MGAM: variants seen among roughly 807,000 people sequenced by gnomAD.
MGAM encodes alpha-1,4-glucosidase.
Under a neutral mutation model 358.8 loss-of-function variants are expected in MGAM, and 253 were observed. That is an observed-to-expected ratio of 0.71 (90% CI 0.64 to 0.78). MGAM has a LOEUF of 0.78. Ranked by LOEUF, MGAM falls within the 30% of genes least tolerant of loss-of-function variation. The probability of loss-of-function intolerance (pLI) is 0.00; values close to 1 mark genes in which losing one functional copy is unlikely to be tolerated. For synonymous variants in MGAM, 1,105 were observed against 1,227.1 expected (o/e 0.90, Z 2.08); for missense variants, 3,080 against 3,432.6 (o/e 0.90, Z 2.57).
At chr7:142,038,042 C>T (rs1808149623) in intron 18 of MGAM, among the ~76,000 whole-genome samples, 1 of 151,960 alleles carries the variant, frequency 6.6e-6, no homozygotes, top group South Asian at 2.1e-4. Flanking sequence ...TCTTGACCTC[C>T]CTCCCAGCCC....
intron 46 of MGAM, 87 bp downstream of exon 46, chr7:142,076,339 T>C: frequency 8.0e-7 from 1 of 1,255,122 alleles, no homozygotes; most frequent in Non-Finnish European, 1.2e-6. Context: ...GTGATTATAT[T>C]TGTAACTTTA....
At chr7:142,084,476 G>T (rs1320198901) in intron 53 of MGAM, 43 bp from the exon 54 acceptor site, 1 of 1,532,380 alleles carries the variant, frequency 6.5e-7, no homozygotes, top group African/African-American at 1.3e-5. Flanking sequence ...CTTCAATCTG[G>T]TGTCTCTGTT....
intron 42 of MGAM, among the ~76,000 whole-genome samples, chr7:142,068,369 T>A (rs1813033136): frequency 6.9e-6 from 1 of 144,050 alleles, no homozygotes; most frequent in Non-Finnish European, 1.6e-5. Flanking sequence ...TCTTTAAGAG[T>A]CAAAGGGGTA....
At chr7:142,092,829 A>G (rs4336523) in intron 59 of MGAM, among the ~76,000 whole-genome samples, 135,952 of 146,060 alleles carry the variant, frequency 0.93, 64,276 homozygotes, top group Non-Finnish European at 1. Context: ...TGTCTAGAAA[A>G]CACTTACGAG....
chr7:142,020,604 T>TA (rs57193106), intron 4 of MGAM, among the ~76,000 whole-genome samples: 10,486 of 106,502 alleles, frequency 0.098, 384 homozygotes, highest in East Asian at 0.18. Flanking sequence ...TATATATATA[T>TA]TTTTTTTTTT....
rs1807813166 is a variant in MGAM, at chr7:142,034,590, C to A, written c.1788-80C>A. Reference sequence around the variant, plus strand: ...AGAATGGGTTATTCACTTTTAATGTCTTTTGTATTGTTGCTGTATCCCCTT... The same window carrying A: ...AGAATGGGTTATTCACTTTTAATGTATTTTGTATTGTTGCTGTATCCCCTT... On this transcript the variant is annotated intron_variant, in intron 15 of 70. Transcript: ENST00000475668. The A allele has an allele frequency of 2.2e-6, 3 of 1,336,518 alleles. No individual in the cohort carries two copies. The Admixed American group carries it at 6.0e-5, about 27-fold the overall frequency. The allele number at this position is 1,336,518 out of a possible 1,614,324, so 82.8% of individuals were successfully genotyped here. A position where few individuals can be genotyped will look rare whatever the true frequency, so the allele number is the denominator to read the frequency against.
chr7:142,041,605 G>A (rs1054628229), intron 21 of MGAM, among the ~76,000 whole-genome samples: 2 of 151,346 alleles, frequency 1.3e-5, no homozygotes, highest in African/African-American at 4.9e-5. Flanking sequence ...ATCACAACCT[G>A]GTTTCACGTT....
intron 21 of MGAM, among the ~76,000 whole-genome samples, chr7:142,045,402 T>C (rs1043101942): frequency 2.3e-5 from 1 of 43,068 alleles, no homozygotes; most frequent in African/African-American, 5.7e-5. Flanking sequence ...CATGATATAT[T>C]ATATATATTA....
At position 142,022,390 on chromosome 7, in the gene MGAM, T is replaced by C; in HGVS notation, c.833T>C (p.Met278Thr). 2.5e-6 allele frequency: 4 copies of C among 1,613,758 alleles called. No homozygotes were observed. Among genetic ancestry groups the C allele is most frequent in the Non-Finnish European group, 3.4e-6 (4 of 1,179,736 alleles). ...EHVHQQYRHD[M>T]NWKTWPIFNR... ...GTGCACCAGCAGTATCGGCATGATA[T>C]GAATTGGAAGACCTGGCCCATATTT... The change falls in exon 7 of 71, where the codon ATG becomes ACG. Residue 278 changes from methionine to threonine, a missense_variant. Met to Thr is a moderately conservative substitution (Grantham distance 81). This residue lies in a region of MGAM where 1,816 missense variants were observed against 1,840.5 expected (regional missense o/e 0.99). Coordinates refer to ENST00000475668, the MANE Select transcript of MGAM (RefSeq NM_001365693.1).
At chr7:142,015,396 T>A (rs1554455741) in intron 3 of MGAM, among the ~76,000 whole-genome samples, 1 of 152,124 alleles carries the variant, frequency 6.6e-6, no homozygotes, top group Admixed American at 6.6e-5. Flanking sequence ...TATCAACAAT[T>A]GTGACTTATG....
rs1321679467 is a variant in MGAM at position 142,045,148 on chromosome 7, T to C, written c.2499-2637T>C. On this transcript the variant is annotated intron_variant, in intron 21 of 70. Coordinates refer to ENST00000475668, the MANE Select transcript of MGAM (RefSeq NM_001365693.1). ...TATATAATATGTATATTATATATCA[T>C]ATATGTGATATATAATATATATATT... Among the ~76,000 whole-genome samples, 202 of 29,310 alleles carry C rather than the reference T, an allele frequency of 6.9e-3. 9 individuals carry two copies. Among genetic ancestry groups the C allele is most frequent in the Admixed American group, 0.015 (24 of 1,610 alleles). The allele number at this position is 29,310 out of a possible 152,430, so 19.2% of individuals were successfully genotyped here. A position where few individuals can be genotyped will look rare whatever the true frequency, so the allele number is the denominator to read the frequency against.
At chr7:142,027,576 A>G in intron 9 of MGAM, 34 bp from the exon 10 acceptor site, 2 of 1,610,378 alleles carry the variant, frequency 1.2e-6, no homozygotes, top group Non-Finnish European at 1.7e-6. Context: ...AAAACAGAGT[A>G]TTTGCTAATT....
intron 49 of MGAM, among the ~76,000 whole-genome samples, chr7:142,080,372 A>G (rs1314925929): frequency 6.8e-6 from 1 of 146,620 alleles, no homozygotes; most frequent in Non-Finnish European, 1.5e-5. Flanking sequence ...ATCAGTTTAG[A>G]TACCACCTTC....
rs1360030383 is a variant in MGAM, at chr7:142,034,196, G to GTA, written c.1670-65_1670-64insAT. The stretch of plus-strand genomic sequence containing the variant: ...GCCCAGGGGGCTGTCATTTCGGATT[G>GTA]TGATAGTCAAGGAGCAGAAAATGTG... On this transcript the variant is annotated intron_variant, in intron 14 of 70. Transcript: ENST00000475668. 4.1e-6 allele frequency: 5 copies of GTA among 1,225,372 alleles called. No homozygotes were observed. In the African/African-American group the frequency reaches 7.5e-5, roughly 18 times the overall value. The allele number at this position is 1,225,372 out of a possible 1,614,324, so 75.9% of individuals were successfully genotyped here. A position where few individuals can be genotyped will look rare whatever the true frequency, so the allele number is the denominator to read the frequency against.
At chr7:142,090,149 A>G (rs1815226848) in intron 57 of MGAM, among the ~76,000 whole-genome samples, 2 of 146,210 alleles carry the variant, frequency 1.4e-5, no homozygotes, top group South Asian at 4.4e-4. Flanking sequence ...GAAGCCACAA[A>G]GGCAAGACTT....
At chr7:142,027,271 A>C in intron 9 of MGAM, 44 bp downstream of exon 9, 1 of 1,451,374 alleles carries the variant, frequency 6.9e-7, no homozygotes, top group Non-Finnish European at 9.6e-7. Context: ...AATCCTAAAC[A>C]GCAAATATTT....
At position 142,019,241 on chromosome 7, in the gene MGAM, G is replaced by T. The variant is rs969584780; in HGVS notation, c.370G>T (p.Ala124Ser). ...TGGCTGTTGCTGGAATCCCCAGGGAGCTGTAAGTGTTCCCTGGTGCTACTA... is the reference window on the plus strand; with the variant it reads ...TGGCTGTTGCTGGAATCCCCAGGGATCTGTAAGTGTTCCCTGGTGCTACTA... ...QRGCCWNPQG[A>S]VSVPWCYYSK... Residue 124 changes from alanine to serine, a missense_variant, in exon 4 of 71, where the codon GCT becomes TCT. Physicochemically the swap from Ala to Ser is moderately conservative, Grantham distance 99 (BLOSUM62 1). Around this residue, in one of 5 missense-constraint regions of MGAM, gnomAD observed 1,816 missense variants for 1,840.5 expected, o/e 0.99. Transcript: ENST00000475668. 1 of 1,613,614 alleles carries T rather than the reference G, an allele frequency of 6.2e-7. No individual in the cohort carries two copies. Among genetic ancestry groups the T allele is most frequent in the Non-Finnish European group, 8.5e-7 (1 of 1,179,588 alleles).
At chr7:142,081,444 C>A (rs79705880) in intron 50 of MGAM, among the ~76,000 whole-genome samples, 2 of 144,622 alleles carry the variant, frequency 1.4e-5, no homozygotes, top group Middle Eastern at 3.5e-3. Context: ...TGAGACAGGG[C>A]GAAGGGAAAG....
At chr7:142,041,874 A>T (rs1808609930) in intron 21 of MGAM, among the ~76,000 whole-genome samples, 1 of 90,256 alleles carries the variant, frequency 1.1e-5, no homozygotes, top group Non-Finnish European at 2.1e-5. Context: ...TATATATATT[A>T]TATATATACG....
Sources: allele counts gnomAD v4.1 joint callset (sites outside exome capture counted in the v4.1 genomes callset), GRCh38; gene constraint gnomAD v4.1.1; regional missense constraint gnomAD v4.1.1; transcripts MANE v1.5; gene names NCBI Gene and HGNC (gene_info 2026-07-23, HGNC 2026-07-21).